Variants in PLCB1 observed in about 807,000 individuals in gnomAD.
The protein encoded by PLCB1 is phospholipase C beta 1.
In PLCB1, 46 loss-of-function variants were observed where a neutral mutation model predicts 161.8. The ratio of observed to expected loss-of-function variants is 0.28; its 90% CI spans 0.22 to 0.36. PLCB1 has a LOEUF of 0.36. Ranked by LOEUF, PLCB1 falls within the 10% of genes least tolerant of loss-of-function variation. The pLI, the probability that PLCB1 is intolerant of heterozygous loss-of-function variation, is 1.00. For missense variants in PLCB1, 1,016 were observed against 1,472.5 expected, an observed-to-expected ratio of 0.69 and a Z score of 5.07; for synonymous variants, 517 against 503.7, an observed-to-expected ratio of 1.03 and a Z score of -0.35.
At chr20:8,626,776 T>C (rs1988362327) in intron 3 of PLCB1, among the ~76,000 whole-genome samples, 1 of 152,202 alleles carries the variant, frequency 6.6e-6, no homozygotes, top group Admixed American at 6.5e-5. Flanking sequence ...AAATTACAAG[T>C]ACTAATATGT....
chr20:8,765,749 A>G (rs963321194), intron 26 of PLCB1, among the ~76,000 whole-genome samples: 1 of 151,958 alleles, frequency 6.6e-6, no homozygotes, highest in Admixed American at 6.6e-5. Context: ...GTGCAGTGAC[A>G]TCATCTCGGC....
intron 2 of PLCB1, among the ~76,000 whole-genome samples, chr20:8,206,712 T>C (rs1978551213): frequency 6.6e-6 from 1 of 151,452 alleles, no homozygotes; most frequent in South Asian, 2.1e-4. Context: ...TATAAATGTA[T>C]CCCAAGAAAA....
intron 31 of PLCB1, among the ~76,000 whole-genome samples, chr20:8,795,824 G>T (rs937390568): frequency 1.4e-4 from 21 of 150,186 alleles, no homozygotes; most frequent in Non-Finnish European, 2.4e-4. Flanking sequence ...GCAGTGAGCC[G>T]AGATCGCGCC....
At chr20:8,537,315 T>TTTTCCGGTG (rs1214342532) in intron 3 of PLCB1, among the ~76,000 whole-genome samples, 2 of 152,220 alleles carry the variant, frequency 1.3e-5, no homozygotes, top group African/African-American at 4.8e-5. Context: ...CTTTTGTCCC[T>TTTTCCGGTG]TTTCCGGTGG....
At chr20:8,217,196 G>A (rs1013308567) in intron 2 of PLCB1, among the ~76,000 whole-genome samples, 1 of 152,070 alleles carries the variant, frequency 6.6e-6, no homozygotes, top group Non-Finnish European at 1.5e-5. Context: ...GCCAAAGTGT[G>A]TTACAGTTCT....
intron 3 of PLCB1, among the ~76,000 whole-genome samples, chr20:8,523,537 C>G (rs1247082723): frequency 1.0e-5 from 1 of 100,134 alleles, no homozygotes; most frequent in Admixed American, 1.1e-4. Context: ...GAGACAACAC[C>G]TCCAAAGAAA....
intron 4 of PLCB1, among the ~76,000 whole-genome samples, chr20:8,629,840 T>C (rs1988486110): frequency 1.1e-5 from 1 of 94,730 alleles, no homozygotes; most frequent in African/African-American, 4.7e-5. Context: ...TTTCTTTCTT[T>C]CTTTCTTTCT....
At chr20:8,748,848 A>G (rs1055843296) in intron 23 of PLCB1, among the ~76,000 whole-genome samples, 12 of 152,242 alleles carry the variant, frequency 7.9e-5, no homozygotes, top group African/African-American at 1.4e-4. Context: ...GCGGGTAACT[A>G]TGTGAGATGA....
chr20:8,373,473 T>G (rs1363876638), intron 3 of PLCB1, among the ~76,000 whole-genome samples: 2 of 152,208 alleles, frequency 1.3e-5, no homozygotes, highest in African/African-American at 4.8e-5. Flanking sequence ...GTTCTCAAAT[T>G]TAATTGCTCA....
chr20:8,522,822 A>G (rs1163348020), intron 3 of PLCB1, among the ~76,000 whole-genome samples: 3 of 152,178 alleles, frequency 2.0e-5, no homozygotes, highest in Non-Finnish European at 4.4e-5. Context: ...GATAATTAAG[A>G]TAAGAATGTG....
At chr20:8,185,314 G>A (rs2051891264) in intron 2 of PLCB1, among the ~76,000 whole-genome samples, 1 of 152,126 alleles carries the variant, frequency 6.6e-6, no homozygotes. Context: ...AGTCAGCTGA[G>A]CTGCTTATAA....
intron 23 of PLCB1, among the ~76,000 whole-genome samples, chr20:8,742,189 C>G (rs1233539693): frequency 6.6e-6 from 1 of 151,938 alleles, no homozygotes; most frequent in Non-Finnish European, 1.5e-5. Flanking sequence ...TCTATGTAGA[C>G]TGGCAGTCTT....
At chr20:8,704,261 C>A (rs1197064476) in intron 11 of PLCB1, among the ~76,000 whole-genome samples, 1 of 151,008 alleles carries the variant, frequency 6.6e-6, no homozygotes, top group Non-Finnish European at 1.5e-5. Flanking sequence ...AGCTGAGGCA[C>A]AAGAATCGCC....
rs920022100 is a variant in PLCB1, at chr20:8,677,741, T to TA, written c.863-7182dup. On this transcript the variant is annotated intron_variant, in intron 9 of 31. Transcript: ENST00000338037. ...GCAAATTTTTCCCACAAAAATCTTT[T>TA]AAAAAAAAATCCAACCCAAAATACT... Among the ~76,000 whole-genome samples the TA allele has an allele frequency of 1.2e-3, 184 of 151,650 alleles. 3 individuals are homozygous for TA. Among genetic ancestry groups the TA allele is most frequent in the African/African-American group, 4.3e-3 (178 of 41,334 alleles).
intron 2 of PLCB1, among the ~76,000 whole-genome samples, chr20:8,335,667 A>G (rs549569921): frequency 8.5e-5 from 13 of 152,192 alleles, no homozygotes; most frequent in African/African-American, 1.2e-4. Flanking sequence ...CATGATGCAC[A>G]TTATAATTAT....
chr20:8,662,513 T>G (rs988446827), intron 9 of PLCB1, among the ~76,000 whole-genome samples: 176 of 142,798 alleles, frequency 1.2e-3, no homozygotes, highest in South Asian at 5.5e-3. Flanking sequence ...ATGTATAATA[T>G]ATAATTTTTT....
At chr20:8,476,146 T>A (rs1300815107) in intron 3 of PLCB1, among the ~76,000 whole-genome samples, 1 of 152,198 alleles carries the variant, frequency 6.6e-6, no homozygotes, top group Non-Finnish European at 1.5e-5. Flanking sequence ...TTTGCAAGAA[T>A]GTTTCCTGGG....
intron 1 of PLCB1, among the ~76,000 whole-genome samples, chr20:8,139,092 T>TTG (rs1244607432): frequency 2.3e-5 from 3 of 129,970 alleles, no homozygotes; most frequent in Non-Finnish European, 4.7e-5. Flanking sequence ...TTTTTTTTTT[T>TTG]TTTTTTTTTT....
chr20:8,484,089 G>A lies in PLCB1; in HGVS notation c.246+112639G>A, dbSNP rs181895577. Among the ~76,000 whole-genome samples the A allele has an allele frequency of 5.2e-3, 796 of 152,256 alleles. 6 individuals are homozygous for A. The highest frequency in any genetic ancestry group is 9.4e-3 in the Admixed American group (144 of 15,284). ...TGCCCAGGCTAGACCATAATGGCAC[G>A]ATCTTGGCTCACCACAACCTCAGCC... On this transcript the variant is annotated intron_variant, in intron 3 of 31. Coordinates refer to ENST00000338037, the MANE Select transcript of PLCB1 (RefSeq NM_015192.4).
Sources: gnomAD v4.1 joint callset for allele counts (sites outside exome capture counted in the v4.1 genomes callset) on GRCh38, gnomAD v4.1.1 for gene constraint, MANE v1.5 for transcripts, NCBI Gene and HGNC (gene_info 2026-07-23, HGNC 2026-07-21) for gene names.